ATRX: variants seen among roughly 807,000 people sequenced by gnomAD.
ATRX encodes ATRX chromatin remodeler, also known as chromatin remodeler ATRX.
Under a neutral mutation model 172.6 loss-of-function variants are expected in ATRX, and 12 were observed. The ratio of observed to expected loss-of-function variants is 0.07; its 90% confidence interval spans 0.04 to 0.11. The LOEUF (loss-of-function observed/expected upper bound fraction) is 0.11, where lower values mean the gene tolerates loss of function less well. ATRX is among the 10% of genes least tolerant of loss of function. The pLI is 1.00. For synonymous variants in ATRX, 674 were observed against 594.7 expected, an observed-to-expected ratio of 1.13 and a Z score of -1.94; for missense variants, 1,368 against 1,767.4, an observed-to-expected ratio of 0.77 and a Z score of 4.05.
At chrX:77,720,718 C>T (rs894547063) in intron 1 of ATRX, among the ~76,000 whole-genome samples, 26 of 111,714 alleles carry the variant, frequency 2.3e-4, no homozygotes, top group Admixed American at 2.0e-3. Context: ...CAGGACCAGA[C>T]AGATTCAAAG....
intron 22 of ATRX, among the ~76,000 whole-genome samples, chrX:77,605,321 G>C (rs1418664308): frequency 9.0e-6 from 1 of 111,048 alleles, no homozygotes; most frequent in Non-Finnish European, 1.9e-5. Context: ...CCAGCTACTT[G>C]GGAGGCTGAG....
At position 77,522,336 on chromosome X, in the gene ATRX, C is replaced by T; in HGVS notation, c.6902G>A (p.Ser2301Asn). 1 of 1,210,572 alleles carries T rather than the reference C, an allele frequency of 8.3e-7. No individual in the cohort carries two copies. Among genetic ancestry groups the T allele is most frequent in the Non-Finnish European group, 1.1e-6 (1 of 894,595 alleles). The change falls in exon 32 of 35, where the codon AGT (serine) becomes AAT (asparagine). Residue 2301 changes from serine (S) to asparagine (N), a missense_variant. Coordinates refer to ENST00000373344, the MANE Select transcript of ATRX (RefSeq NM_000489.6). ...AATATAAGGAGTTTGAGAGTTGAAA[C>T]TGACAGGGGGTAAATTGGTCCCAGT... ...IPTGTNLPPV[S>N]FNSQTPYIPF...
intron 27 of ATRX, among the ~76,000 whole-genome samples, chrX:77,580,919 A>G (rs2065804610): frequency 8.9e-6 from 1 of 112,269 alleles, no homozygotes; most frequent in Non-Finnish European, 1.9e-5. Flanking sequence ...GGACAAAGTT[A>G]AGGTGTAGAA....
chrX:77,538,694 C>A (rs2063849507), intron 30 of ATRX, among the ~76,000 whole-genome samples: 1 of 111,328 alleles, frequency 9.0e-6, no homozygotes, highest in African/African-American at 3.3e-5. Flanking sequence ...AAATGAAAAA[C>A]ACAGTAGCCT....
At chrX:77,639,611 CAAGGCTTTAATT>C (rs1192241947) in intron 15 of ATRX, among the ~76,000 whole-genome samples, 13 of 111,618 alleles carry the variant, frequency 1.2e-4, no homozygotes, top group African/African-American at 4.2e-4. Context: ...AACTAATATA[CAAGGCTTTAATT>C]AAGATTTCTG....
At chrX:77,749,596 CAG>C (rs1339317712) in intron 1 of ATRX, among the ~76,000 whole-genome samples, 32 of 111,961 alleles carry the variant, frequency 2.9e-4, no homozygotes, top group Middle Eastern at 4.6e-3. Context: ...ACTAGCTAGA[CAG>C]AGTTTTGAAA....
intron 1 of ATRX, among the ~76,000 whole-genome samples, chrX:77,739,895 T>A (rs1438614799): frequency 9.4e-6 from 1 of 106,094 alleles, no homozygotes; most frequent in Non-Finnish European, 1.9e-5. Context: ...ATCAAAAATA[T>A]AAAAAAAATT....
At chrX:77,605,701 A>C in intron 22 of ATRX, among the ~76,000 whole-genome samples, 1 of 111,857 alleles carries the variant, frequency 8.9e-6, no homozygotes, top group South Asian at 3.7e-4. Flanking sequence ...CCATAGGCCA[A>C]TATCACTGAT....
chrX:77,588,017 A>G (rs1412063014), intron 27 of ATRX, among the ~76,000 whole-genome samples: 1 of 112,136 alleles, frequency 8.9e-6, no homozygotes, highest in African/African-American at 3.2e-5. Context: ...ACACTTTCCA[A>G]TTTCAACATC....
intron 22 of ATRX, among the ~76,000 whole-genome samples, chrX:77,614,705 T>A (rs1288628265): frequency 8.9e-6 from 1 of 111,978 alleles, no homozygotes; most frequent in Admixed American, 9.5e-5. Flanking sequence ...TGAGTATTTA[T>A]CATTTTTATA....
Position 77,520,877 on chromosome X carries a change from C to G in ATRX, c.7111G>C (p.Ala2371Pro). 1 of 1,209,856 alleles carries G rather than the reference C, an allele frequency of 8.3e-7. No homozygotes were observed. The highest frequency in any genetic ancestry group is 1.1e-6 in the Non-Finnish European group (1 of 893,908). Reference protein sequence around the residue: ...NMNLSEAQVQALALSRQASQE... With the variant: ...NMNLSEAQVQPLALSRQASQE... ...CTGGCTTGTCTACTTAATGCTAACG[C>G]CTGTACTTGGGCCTCTGAGAGATTC... Residue 2371 changes from alanine to proline, a missense_variant, in exon 34 of 35, where the codon GCG becomes CCG. Ala to Pro is a conservative substitution (Grantham distance 27, BLOSUM62 -1). Transcript: ENST00000373344.
chrX:77,589,560 T>C (rs782606058), intron 27 of ATRX, among the ~76,000 whole-genome samples: 343 of 112,111 alleles, frequency 3.1e-3, no homozygotes, highest in Non-Finnish European at 5.3e-3. Flanking sequence ...TGTGAGATGA[T>C]AGATATGTTC....
At chrX:77,659,652 T>C (rs2069761392) in intron 12 of ATRX, among the ~76,000 whole-genome samples, 3 of 111,077 alleles carry the variant, frequency 2.7e-5, no homozygotes, top group Non-Finnish European at 5.7e-5. Flanking sequence ...AAAATTACTA[T>C]CATCTAATAT....
At chrX:77,616,375 C>G in intron 22 of ATRX, 1 of 998,044 alleles carries the variant, frequency 1.0e-6, no homozygotes, top group Non-Finnish European at 1.3e-6. Context: ...AAGCTCTTTA[C>G]AAATTAAGGG....
intron 9 of ATRX, among the ~76,000 whole-genome samples, chrX:77,680,001 G>T (rs2071098339): frequency 9.0e-6 from 1 of 111,466 alleles, no homozygotes; most frequent in African/African-American, 3.3e-5. Flanking sequence ...TCTCAAAATG[G>T]AAAGTTTCTG....
At chrX:77,748,547 G>T (rs973131572) in intron 1 of ATRX, among the ~76,000 whole-genome samples, 1 of 111,479 alleles carries the variant, frequency 9.0e-6, no homozygotes, top group Non-Finnish European at 1.9e-5. Flanking sequence ...ATAAAAAGAA[G>T]ATAACATTGA....
At chrX:77,613,020 CCTT>C (rs1228819162) in intron 22 of ATRX, among the ~76,000 whole-genome samples, 2 of 111,426 alleles carry the variant, frequency 1.8e-5, no homozygotes, top group African/African-American at 6.5e-5. Flanking sequence ...GTTGCTTCCA[CCTT>C]TTTTTGCCAT....
At chrX:77,605,518 C>A (rs2066872172) in intron 22 of ATRX, among the ~76,000 whole-genome samples, 1 of 110,208 alleles carries the variant, frequency 9.1e-6, no homozygotes, top group Non-Finnish European at 1.9e-5. Flanking sequence ...CAAAAATCAC[C>A]CAGAACCAGA....
chrX:77,535,725 C>CT (rs1195594389), intron 30 of ATRX, among the ~76,000 whole-genome samples: 175 of 106,285 alleles, frequency 1.6e-3, no homozygotes, highest in South Asian at 4.1e-3. Context: ...TAAATTATGT[C>CT]TTTTTTTTTT....
Sources: gnomAD v4.1 joint callset for allele counts (sites outside exome capture counted in the v4.1 genomes callset) on GRCh38, gnomAD v4.1.1 for gene constraint, MANE v1.5 for transcripts, NCBI Gene and HGNC (gene_info 2026-07-23, HGNC 2026-07-21) for gene names.